ABCF2: variants seen among roughly 807,000 people sequenced by gnomAD.
The protein encoded by ABCF2 is ATP-binding cassette sub-family F member 2.
ABCF2 carries 37 observed loss-of-function variants against 76.9 expected under a neutral mutation model. The observed-to-expected ratio is 0.48, with a 90% CI of 0.37 to 0.63. ABCF2 has a LOEUF of 0.63. ABCF2 is among the 30% of genes least tolerant of loss of function. The probability of loss-of-function intolerance (pLI) is 0.00; values close to 1 mark genes in which losing one functional copy is unlikely to be tolerated. For missense variants in ABCF2, 524 were observed against 782.1 expected, an observed-to-expected ratio of 0.67 and a Z score of 3.94; for synonymous variants, 299 against 283.7, an observed-to-expected ratio of 1.05 and a Z score of -0.54.
intron 11 of ABCF2, 104 bp from the exon 12 acceptor site, chr7:151,216,133 A>C: frequency 1.0e-6 from 1 of 959,594 alleles, no homozygotes; most frequent in Non-Finnish European, 1.7e-6. Context: ...AACAAGACTC[A>C]ACTTCCTAAA....
intron 7 of ABCF2, among the ~76,000 whole-genome samples, chr7:151,221,361 G>A (rs1412066639): frequency 6.6e-6 from 1 of 151,948 alleles, no homozygotes; most frequent in Non-Finnish European, 1.5e-5. Context: ...CACCACGCCT[G>A]GCTAATTTTT....
At position 151,226,691 on chromosome 7, in the gene ABCF2, C is replaced by A. The variant is rs1411367763; in HGVS notation, c.-42-191G>T. Reference sequence around the variant, plus strand: ...GCCGATTCTCAGCGGCTCTTCTAATCTTAACATCTCTTCCCACAGGCACCA... The same window carrying A: ...GCCGATTCTCAGCGGCTCTTCTAATATTAACATCTCTTCCCACAGGCACCA... On this transcript the variant is annotated intron_variant, in intron 1 of 14. Coordinates refer to ENST00000287844, the MANE Select transcript of ABCF2 (RefSeq NM_007189.3). The A allele has an allele frequency of 1.5e-5, 7 of 465,680 alleles. No individual in the cohort carries two copies. In the Admixed American group the frequency reaches 2.9e-4, roughly 20 times the overall value. The allele number at this position is 465,680 out of a possible 1,614,324, so 28.8% of individuals were successfully genotyped here.
rs768545245 is a variant in ABCF2, at chr7:151,212,641, C to T, written c.*1413G>A. The T allele has an allele frequency of 2.9e-5, 7 of 242,758 alleles. No homozygotes were observed. The highest frequency in any genetic ancestry group is 4.6e-5 in the Non-Finnish European group (7 of 151,112). 15.0% of individuals were successfully genotyped at this position (242,758 alleles called of 1,614,324 possible). On this transcript the variant is annotated 3_prime_UTR_variant, in exon 15 of 15. Transcript: ENST00000287844. Reference sequence around the variant, plus strand: ...GAGCAGCTGGGACCGCAGGCACATGCTACTATGCCCGGTTCATTTTATTAC... The same window carrying T: ...GAGCAGCTGGGACCGCAGGCACATGTTACTATGCCCGGTTCATTTTATTAC...
chr7:151,217,942 G>T, intron 11 of ABCF2, 139 bp downstream of exon 11: 1 of 638,566 alleles, frequency 1.6e-6, no homozygotes, highest in East Asian at 2.7e-5. Flanking sequence ...CCTGGCTGCT[G>T]CTCCACCCCT....
intron 10 of ABCF2, 137 bp from the exon 11 acceptor site, chr7:151,218,328 C>A: frequency 1.4e-6 from 1 of 704,814 alleles, no homozygotes; most frequent in Non-Finnish European, 2.4e-6. Flanking sequence ...TCATAGCAGA[C>A]CCCGCCTCGC....
chr7:151,218,509 G>T, intron 10 of ABCF2, 52 bp downstream of exon 10: 1 of 1,483,006 alleles, frequency 6.7e-7, no homozygotes, highest in Non-Finnish European at 9.4e-7. Flanking sequence ...CCCATGAGCT[G>T]CCACTCACCC....
At position 151,215,917 on chromosome 7, in the gene ABCF2, C is replaced by T. The variant is rs1341561581; in HGVS notation, c.1401+50G>A. 1.2e-6 allele frequency: 2 copies of T among 1,602,690 alleles called. No homozygotes were observed. Among genetic ancestry groups the T allele is most frequent in the East Asian group, 4.5e-5 (2 of 44,806 alleles). ...TGGCTGGAACTCAGCCAGATACAGCCCCTCCCTATACCCTGGGCAATTCCC... is the reference window on the plus strand; with the variant it reads ...TGGCTGGAACTCAGCCAGATACAGCTCCTCCCTATACCCTGGGCAATTCCC... On this transcript the variant is annotated intron_variant, in intron 12 of 14. Coordinates refer to ENST00000287844, the MANE Select transcript of ABCF2 (RefSeq NM_007189.3). This position sits in a 1 kb window ranked among gnomAD's most constrained non-coding sequence, Gnocchi z 4.6.
chr7:151,224,755 C>A, intron 3 of ABCF2, 21 bp downstream of exon 3: 1 of 1,598,756 alleles, frequency 6.3e-7, no homozygotes, highest in Non-Finnish European at 8.6e-7. Context: ...ATACCTCCCA[C>A]CTCCCCTTCC....
chr7:151,223,166 C>T (rs191842707), intron 5 of ABCF2, among the ~76,000 whole-genome samples: 16 of 152,184 alleles, frequency 1.1e-4, no homozygotes, highest in Non-Finnish European at 2.2e-4. Flanking sequence ...AGAAGTATAT[C>T]AAGTCTTATA....
At chr7:151,222,133 T>C (rs1157564856) in intron 6 of ABCF2, 1 of 184,976 alleles carries the variant, frequency 5.4e-6, no homozygotes, top group African/African-American at 2.4e-5. Flanking sequence ...TATTCAGTTC[T>C]TTAGCTGTAG....
At chr7:151,222,699 C>T (rs1164809778) in intron 5 of ABCF2, 83 bp from the exon 6 acceptor site, 5 of 1,105,362 alleles carry the variant, frequency 4.5e-6, no homozygotes, top group Non-Finnish European at 6.7e-6. Flanking sequence ...CTGCTACATG[C>T]AATTCTGAGT....
In ABCF2 at chr7:151,214,164, T is replaced by C. The variant is rs1802105012; in HGVS notation, c.1762A>G (p.Lys588Glu). The change falls in exon 15 of 15, where the codon AAG (lysine) becomes GAG (glutamate). Residue 588 changes from lysine (K) to glutamate (E), a missense_variant. Coordinates refer to ENST00000287844, the MANE Select transcript of ABCF2 (RefSeq NM_007189.3). This position sits in a 1 kb window ranked among gnomAD's most constrained non-coding sequence, Gnocchi z 4.9. ...QVAQEIWVCEKQTITKWPGDI... is the reference protein window; with the variant it reads ...QVAQEIWVCEEQTITKWPGDI... Reference sequence around the variant, plus strand: ...CCAGGCCACTTGGTGATTGTCTGCTTCTCACAGACCCAAATTTCCTGTGCA... The same window carrying C: ...CCAGGCCACTTGGTGATTGTCTGCTCCTCACAGACCCAAATTTCCTGTGCA... 6.2e-7 allele frequency: 1 copy of C among 1,614,018 alleles called. No individual in the cohort carries two copies. Among genetic ancestry groups the C allele is most frequent in the African/African-American group, 1.3e-5 (1 of 74,914 alleles).
rs1802102999 is a variant in ABCF2 at position 151,214,070 on chromosome 7, C to T, written c.1856G>A (p.Arg619Lys). The T allele has an allele frequency of 1.2e-6, 2 of 1,614,004 alleles. No individual in the cohort carries two copies. The highest frequency in any genetic ancestry group is 2.2e-5 in the East Asian group (1 of 44,880). ...LVDEEPQLTKRTHNV is the reference protein window; with the variant it reads ...LVDEEPQLTKKTHNV The stretch of plus-strand genomic sequence containing the variant: ...GTAGAGGGCTCACACGTTGTGGGTC[C>T]TCTTGGTGAGCTGGGGCTCCTCATC... The change falls in exon 15 of 15, where the codon AGG (arginine) becomes AAG (lysine). Residue 619 changes from arginine to lysine, a missense_variant. By Grantham distance (26) the Arg-to-Lys change is conservative. Transcript: ENST00000287844. This position sits in a 1 kb window ranked among gnomAD's most constrained non-coding sequence, Gnocchi z 4.9.
At chr7:151,222,678 G>T in intron 5 of ABCF2, 62 bp from the exon 6 acceptor site, 1 of 1,413,532 alleles carries the variant, frequency 7.1e-7, no homozygotes, top group Non-Finnish European at 9.9e-7. Flanking sequence ...CACAGGACGG[G>T]ACAAACTTGC....
chr7:151,224,855 A>C lies in ABCF2; in HGVS notation c.288T>G (p.His96Gln). 1 of 1,614,206 alleles carries C rather than the reference A, an allele frequency of 6.2e-7. No homozygotes were observed. Among genetic ancestry groups the C allele is most frequent in the Non-Finnish European group, 8.5e-7 (1 of 1,180,036 alleles). ...TGGTGTCACTGAGCAGCTCTTGACC[A>C]TGAAAGGTAAGTGAGAGGTTGATGA... ...VHIINLSLTF[H>Q]GQELLSDTKL... Residue 96 changes from histidine (H) to glutamine (Q), a missense_variant, in exon 3 of 15, where the codon CAT (histidine) becomes CAG (glutamine). Physicochemically the swap from His to Gln is conservative, Grantham distance 24. Coordinates refer to ENST00000287844, the MANE Select transcript of ABCF2 (RefSeq NM_007189.3).
chr7:151,224,890 C>T lies in ABCF2; in HGVS notation c.253G>A (p.Asp85Asn), dbSNP rs746682431. The T allele has an allele frequency of 6.2e-7, 1 of 1,614,176 alleles. No homozygotes were observed. The highest frequency in any genetic ancestry group is 1.1e-5 in the South Asian group (1 of 91,088). Residue 85 changes from aspartate (D) to asparagine (N), a missense_variant, in exon 3 of 15, where the codon GAT becomes AAT. Asp to Asn is a conservative substitution (Grantham distance 23, BLOSUM62 1). Transcript: ENST00000287844. ...AGTGAGAGGTTGATGATGTGAACAT[C>T]AGTACTGTTGGGGTGAGAGGCCAGG... ...GVLASHPNST[D>N]VHIINLSLTF... is the part of the protein sequence containing the mutation.
chr7:151,225,718 C>T (rs868592883), intron 2 of ABCF2, among the ~76,000 whole-genome samples: 1 of 152,288 alleles, frequency 6.6e-6, no homozygotes, highest in African/African-American at 2.4e-5. Flanking sequence ...GATTGGACTG[C>T]CAAGGGCCTG....
At chr7:151,226,708 C>T in intron 1 of ABCF2, 1 of 419,734 alleles carries the variant, frequency 2.4e-6, no homozygotes, top group South Asian at 3.9e-5. Context: ...TCTCTTCCCA[C>T]AGGCACCAGT....
chr7:151,222,445 G>A, intron 6 of ABCF2, 76 bp downstream of exon 6: 3 of 1,199,350 alleles, frequency 2.5e-6, no homozygotes, highest in Non-Finnish European at 2.5e-6. Flanking sequence ...TAACATCAGT[G>A]CAGTTTCTGG....
Sources: gnomAD v4.1 joint callset for allele counts (sites outside exome capture counted in the v4.1 genomes callset) on GRCh38, gnomAD v4.1.1 for gene constraint, Gnocchi (gnomAD v3.1) non-coding constraint, MANE v1.5 for transcripts, NCBI Gene and HGNC (gene_info 2026-07-23, HGNC 2026-07-21) for gene names.